Variants in DAB1 observed in about 807,000 individuals in gnomAD.
DAB1 encodes DAB adaptor protein 1.
Under a neutral mutation model 64.6 loss-of-function variants are expected in DAB1, and 15 were observed. The ratio of observed to expected loss-of-function variants is 0.23; its 90% CI spans 0.16 to 0.36. The LOEUF is 0.36. Ranked by LOEUF, DAB1 falls within the 10% of genes least tolerant of loss-of-function variation. The probability of loss-of-function intolerance (pLI) is 1.00; values close to 1 mark genes in which losing one functional copy is unlikely to be tolerated. For missense variants in DAB1, 596 were observed against 706.7 expected (o/e 0.84, Z 1.78); for synonymous variants, 235 against 251.9 (o/e 0.93, Z 0.64).
rs576777242 is a variant in DAB1 at position 57,035,883 on chromosome 1, C to T, written c.724-9840G>A. Among the ~76,000 whole-genome samples the T allele has an allele frequency of 9.3e-4, 103 of 110,436 alleles. 1 individual carries two copies. The South Asian group carries it at 0.016, about 18-fold the overall frequency. 72.5% of individuals were successfully genotyped at this position (110,436 alleles called of 152,430 possible). On this transcript the variant is annotated intron_variant, in intron 9 of 14. Coordinates refer to ENST00000371236, the MANE Select transcript of DAB1 (RefSeq NM_001365792.1). ...TTTTTGAGACAGGGTCTCACTCTGTCGTGGGTTGGAGTGCAGTGGTACAAT... is the reference window on the plus strand; with the variant it reads ...TTTTTGAGACAGGGTCTCACTCTGTTGTGGGTTGGAGTGCAGTGGTACAAT...
At chr1:58,531,740 T>G (rs1646437416) in intron 1 of DAB1, among the ~76,000 whole-genome samples, 1 of 151,934 alleles carries the variant, frequency 6.6e-6, no homozygotes, top group African/African-American at 2.4e-5. Flanking sequence ...GACAGAGTCT[T>G]GCCCTGTTGC....
intron 6 of DAB1, among the ~76,000 whole-genome samples, chr1:57,761,737 C>T (rs1251442557): frequency 1.3e-5 from 2 of 152,212 alleles, no homozygotes; most frequent in East Asian, 3.9e-4. Flanking sequence ...CCAGGTTTGT[C>T]CCTGCCCTTG....
intron 7 of DAB1, among the ~76,000 whole-genome samples, chr1:57,431,840 T>C (rs903156532): frequency 6.6e-6 from 1 of 152,148 alleles, no homozygotes; most frequent in Non-Finnish European, 1.5e-5. Context: ...AAAAAATGGC[T>C]GGGCCGGGCA....
At chr1:57,117,638 G>T (rs1490517206) in intron 4 of DAB1, among the ~76,000 whole-genome samples, 1 of 152,174 alleles carries the variant, frequency 6.6e-6, no homozygotes, top group Non-Finnish European at 1.5e-5. Context: ...ATTTACAAAT[G>T]AAGAAACTGA....
At chr1:58,020,384 G>C (rs1459247045) in intron 5 of DAB1, among the ~76,000 whole-genome samples, 1 of 152,142 alleles carries the variant, frequency 6.6e-6, no homozygotes, top group Non-Finnish European at 1.5e-5. Context: ...TGGAATTCCT[G>C]TAAGGAGCTT....
intron 6 of DAB1, among the ~76,000 whole-genome samples, chr1:57,703,423 CAT>C (rs1646930842): frequency 6.6e-6 from 1 of 152,166 alleles, no homozygotes; most frequent in Non-Finnish European, 1.5e-5. Flanking sequence ...ATCCAACAAT[CAT>C]GTGGAAAGAA....
intron 4 of DAB1, among the ~76,000 whole-genome samples, chr1:58,285,502 C>A (rs1478742457): frequency 6.6e-6 from 1 of 152,134 alleles, no homozygotes; most frequent in Admixed American, 6.5e-5. Flanking sequence ...GTAAAAATCA[C>A]AAGCATTTCT....
chr1:57,395,526 C>T (rs1221277825), intron 1 of DAB1, among the ~76,000 whole-genome samples: 1 of 152,066 alleles, frequency 6.6e-6, no homozygotes, highest in African/African-American at 2.4e-5. Context: ...CCTATGACAC[C>T]CTACTTAATC....
At chr1:57,131,720 C>T (rs1657663934) in intron 4 of DAB1, among the ~76,000 whole-genome samples, 1 of 152,130 alleles carries the variant, frequency 6.6e-6, no homozygotes, top group Admixed American at 6.6e-5. Context: ...AATTTAAGTG[C>T]AGTTATTGTA....
chr1:58,063,171 A>G (rs1648613199), intron 5 of DAB1, among the ~76,000 whole-genome samples: 1 of 152,178 alleles, frequency 6.6e-6, no homozygotes, highest in Non-Finnish European at 1.5e-5. Flanking sequence ...ATAGAAAAGA[A>G]CAAAATAATT....
At chr1:57,915,089 T>C (rs950938285) in intron 5 of DAB1, among the ~76,000 whole-genome samples, 1 of 141,886 alleles carries the variant, frequency 7.0e-6, no homozygotes, top group Non-Finnish European at 1.5e-5. Flanking sequence ...TAAGTAGATA[T>C]GTAGGAAGGT....
chr1:57,062,269 CT>C (rs1405384463), intron 9 of DAB1, among the ~76,000 whole-genome samples: 3 of 152,134 alleles, frequency 2.0e-5, no homozygotes, highest in South Asian at 4.2e-4. Flanking sequence ...TGCATATGAC[CT>C]TTTCCAAAAT....
chr1:58,109,980 C>T (rs987562953), intron 5 of DAB1, among the ~76,000 whole-genome samples: 1 of 152,222 alleles, frequency 6.6e-6, no homozygotes, highest in Non-Finnish European at 1.5e-5. Flanking sequence ...GTTTACCCAA[C>T]CTGGTCATGG....
At chr1:57,412,065 T>C (rs534648) in intron 1 of DAB1, among the ~76,000 whole-genome samples, 2,738 of 152,332 alleles carry the variant, frequency 0.018, 80 homozygotes, top group African/African-American at 0.062. Context: ...ATTATTATTA[T>C]ACTTATTATG....
chr1:57,185,516 C>T lies in DAB1; in HGVS notation c.68-40087G>A, dbSNP rs371604393. 4.9e-4 allele frequency among the ~76,000 whole-genome samples: 55 copies of T among 112,468 alleles called. 1 individual carries two copies. In the South Asian group the frequency reaches 0.011, roughly 23 times the overall value. 73.8% of individuals were successfully genotyped at this position (112,468 alleles called of 152,430 possible). A position where few individuals can be genotyped will look rare whatever the true frequency, so the allele number is the denominator to read the frequency against. On this transcript the variant is annotated intron_variant, in intron 2 of 14. Transcript: ENST00000371236. ...AAAAGAGAGAGGCAGGAATCCTAGG[C>T]AACCAAGACACAAGAATGGGACAAA... is the stretch of plus-strand genomic sequence containing the variant.
intron 5 of DAB1, among the ~76,000 whole-genome samples, chr1:57,989,276 G>A (rs1646292608): frequency 6.6e-6 from 1 of 152,038 alleles, no homozygotes; most frequent in Admixed American, 6.6e-5. Context: ...CCCACACCCT[G>A]GTGATACTCA....
rs35725704 is a variant in DAB1 at position 58,068,782 on chromosome 1, C to CAA, written n.387+81727_387+81728dup. ...CTCCATCTCAAAAAAAAAAAAAAAC[C>CAA]AAAAAAAAAAAAGAAAGCATCATTA... On this transcript the variant is annotated intron_variant and non_coding_transcript_variant, in intron 5 of 20. Coordinates refer to the DAB1 transcript ENST00000485760. Among the ~76,000 whole-genome samples, 435 of 133,306 alleles carry CAA rather than the reference C, an allele frequency of 3.3e-3. 19 individuals are homozygous for CAA. In the South Asian group the frequency reaches 0.085, roughly 26 times the overall value. 87.5% of individuals were successfully genotyped at this position (133,306 alleles called of 152,430 possible). A position where few individuals can be genotyped will look rare whatever the true frequency, so the allele number is the denominator to read the frequency against.
chr1:57,550,370 G>A (rs2101473542), intron 7 of DAB1, among the ~76,000 whole-genome samples: 1 of 152,254 alleles, frequency 6.6e-6, no homozygotes, highest in Admixed American at 6.5e-5. Flanking sequence ...AGGGAGTTGG[G>A]TTAGTTGATC....
intron 1 of DAB1, among the ~76,000 whole-genome samples, chr1:57,415,349 T>C (rs1160774238): frequency 2.2e-4 from 34 of 151,488 alleles, no homozygotes; most frequent in Non-Finnish European, 1.5e-5. Context: ...ATAAAGCTTT[T>C]AGAAGACAAC....
Sources: gnomAD v4.1 joint callset for allele counts (sites outside exome capture counted in the v4.1 genomes callset) on GRCh38, gnomAD v4.1.1 for gene constraint, MANE v1.5 for transcripts, NCBI Gene and HGNC (gene_info 2026-07-23, HGNC 2026-07-21) for gene names.